The following POU3F3 variants were observed in gnomAD, a reference collection of about 807,000 sequenced individuals.
POU3F3 encodes POU class 3 homeobox 3.
POU3F3 carries 1 observed loss-of-function variant against 8.6 expected under a neutral mutation model. The ratio of observed to expected loss-of-function variants is 0.12; its 90% confidence interval spans 0.04 to 0.55. The LOEUF (loss-of-function observed/expected upper bound fraction) is 0.55. Ranked by LOEUF, POU3F3 falls within the 20% of genes least tolerant of loss-of-function variation. The pLI, the probability that POU3F3 is intolerant of heterozygous loss-of-function variation, is 0.91. For missense variants in POU3F3, 577 were observed against 690.7 expected (o/e 0.84, Z 1.84); for synonymous variants, 418 against 327.4 (o/e 1.28, Z -2.99).
chr2:104,901,748 G>C, the POU3F3 span, among the ~76,000 whole-genome samples: 1 of 152,224 alleles, frequency 6.6e-6, no homozygotes, highest in African/African-American at 2.4e-5. Flanking sequence ...GGCAGAGGGA[G>C]TTAGCAGTGG....
the POU3F3 span, among the ~76,000 whole-genome samples, chr2:104,890,832 G>A: frequency 6.6e-6 from 1 of 152,236 alleles, no homozygotes; most frequent in Non-Finnish European, 1.5e-5. Flanking sequence ...GACGTTTGGA[G>A]TTCTGCTTTC....
the POU3F3 span, among the ~76,000 whole-genome samples, chr2:104,923,626 G>C: frequency 1.3e-5 from 2 of 152,192 alleles, no homozygotes; most frequent in East Asian, 3.9e-4. Context: ...GTACAAAAAA[G>C]CTATAAGGCA....
chr2:104,893,934 A>C, the POU3F3 span, among the ~76,000 whole-genome samples: 1 of 152,052 alleles, frequency 6.6e-6, no homozygotes, highest in Non-Finnish European at 1.5e-5. Flanking sequence ...GGTTTGTACT[A>C]AGTACAAGTA....
At chr2:104,917,600 T>C in the POU3F3 span, among the ~76,000 whole-genome samples, 1 of 152,200 alleles carries the variant, frequency 6.6e-6, no homozygotes, top group South Asian at 2.1e-4. Context: ...ACAGTCTGTG[T>C]AAAGGCTCCA....
the POU3F3 span, among the ~76,000 whole-genome samples, chr2:104,904,559 AATTT>A: frequency 2.0e-5 from 3 of 152,110 alleles, no homozygotes; most frequent in Admixed American, 1.3e-4. Context: ...CAAGAATATG[AATTT>A]ATTTGTTTAC....
the POU3F3 span, among the ~76,000 whole-genome samples, chr2:104,896,192 C>G: frequency 6.6e-6 from 1 of 152,202 alleles, no homozygotes; most frequent in Non-Finnish European, 1.5e-5. Flanking sequence ...TAGTCTCTAG[C>G]TGTGTGTTGC....
At chr2:104,870,456 G>A in the POU3F3 span, among the ~76,000 whole-genome samples, 1 of 152,238 alleles carries the variant, frequency 6.6e-6, no homozygotes, top group African/African-American at 2.4e-5. Flanking sequence ...TACCAGCCCG[G>A]TAAACACATC....
the POU3F3 span, among the ~76,000 whole-genome samples, chr2:104,901,045 T>G: frequency 6.6e-6 from 1 of 152,252 alleles, no homozygotes; most frequent in South Asian, 2.1e-4. Flanking sequence ...GATATTTACC[T>G]GTTTATGATT....
chr2:104,892,146 C>T, the POU3F3 span, among the ~76,000 whole-genome samples: 1 of 152,128 alleles, frequency 6.6e-6, no homozygotes, highest in Non-Finnish European at 1.5e-5. Flanking sequence ...CACTGCTGGG[C>T]CAGGTACCCT....
At chr2:104,883,997 GT>G in the POU3F3 span, among the ~76,000 whole-genome samples, 2 of 152,174 alleles carry the variant, frequency 1.3e-5, no homozygotes, top group Non-Finnish European at 2.9e-5. Context: ...CCCTAGGTGA[GT>G]TCCCAGTGGT....
chr2:104,862,558 C>G (rs1481289827), downstream of POU3F3, among the ~76,000 whole-genome samples: 1 of 149,154 alleles, frequency 6.7e-6, no homozygotes, highest in African/African-American at 2.5e-5. Context: ...GAGGGCAGGG[C>G]TGGGCGCGGA....
chr2:104,911,863 G>C, the POU3F3 span, among the ~76,000 whole-genome samples: 8 of 152,086 alleles, frequency 5.3e-5, no homozygotes, highest in African/African-American at 1.7e-4. Flanking sequence ...GGGAGAAGCT[G>C]TAAGTGACAC....
downstream of POU3F3, among the ~76,000 whole-genome samples, chr2:104,862,221 G>T (rs1334273989): frequency 6.6e-6 from 1 of 152,202 alleles, no homozygotes; most frequent in Non-Finnish European, 1.5e-5. Flanking sequence ...GGCGGGCTGT[G>T]CGCTGCGTTC....
the POU3F3 span, among the ~76,000 whole-genome samples, chr2:104,879,567 G>A: frequency 6.6e-6 from 1 of 152,196 alleles, no homozygotes; most frequent in Non-Finnish European, 1.5e-5. Context: ...TTGGGCTGGG[G>A]TGTGTAAAGG....
the POU3F3 span, among the ~76,000 whole-genome samples, chr2:104,907,565 C>T: frequency 3.9e-5 from 6 of 152,198 alleles, no homozygotes; most frequent in African/African-American, 1.2e-4. Context: ...GATGTTACCT[C>T]TGCTTTTTTC....
the POU3F3 span, among the ~76,000 whole-genome samples, chr2:104,926,312 C>A: frequency 6.6e-6 from 1 of 152,144 alleles, no homozygotes; most frequent in East Asian, 1.9e-4. Context: ...ACAGACACTT[C>A]CTAAAAGAAG....
At position 104,855,124 on chromosome 2, in the gene POU3F3, T is replaced by G. The variant is rs934203576; in HGVS notation, c.-387T>G. On this transcript the variant is annotated 5_prime_UTR_variant, in exon 1 of 1. Transcript: ENST00000361360. ...TGGAGCGAGCCCAGCGCGCCGGGGC[T>G]GGGGGGCGGCCACGACCCCCCCTGA... is the stretch of plus-strand genomic sequence containing the variant. 1.1e-4 allele frequency among the ~76,000 whole-genome samples: 17 copies of G among 151,364 alleles called. No individual in the cohort carries two copies. Among genetic ancestry groups the G allele is most frequent in the Non-Finnish European group, 1.8e-4 (12 of 67,742 alleles).
the POU3F3 span, among the ~76,000 whole-genome samples, chr2:104,894,794 G>T: frequency 6.6e-6 from 1 of 152,178 alleles, no homozygotes; most frequent in Non-Finnish European, 1.5e-5. Context: ...AGGGGAGCTG[G>T]TCTTCCTCCT....
the POU3F3 span, among the ~76,000 whole-genome samples, chr2:104,891,699 C>T: frequency 2.9e-3 from 441 of 152,256 alleles, 1 homozygote; most frequent in African/African-American, 9.9e-3. Context: ...TCTTCCATCA[C>T]GGAATTTCTG....
Sources: gnomAD v4.1 joint callset for allele counts (sites outside exome capture counted in the v4.1 genomes callset) on GRCh38, gnomAD v4.1.1 for gene constraint, MANE v1.5 for transcripts, NCBI Gene and HGNC (gene_info 2026-07-23, HGNC 2026-07-21) for gene names.